RAD21L1: variants seen among roughly 807,000 people sequenced by gnomAD.
RAD21L1 encodes the protein double-strand-break repair protein rad21-like protein 1.
RAD21L1 carries 47 observed loss-of-function variants against 69.0 expected under a neutral mutation model. The ratio of observed to expected loss-of-function variants is 0.68; its 90% CI spans 0.54 to 0.87. The LOEUF is 0.87. Among genes scored for constraint, RAD21L1 ranks in the 40% least tolerant of loss-of-function variants. RAD21L1 has a pLI of 0.00. For missense variants in RAD21L1, 583 were observed against 647.6 expected (o/e 0.90, Z 1.08); for synonymous variants, 177 against 205.8 (o/e 0.86, Z 1.20).
intron 4 of RAD21L1, among the ~76,000 whole-genome samples, chr20:1,232,946 A>G (rs2087421804): frequency 6.6e-6 from 1 of 152,192 alleles, no homozygotes; most frequent in African/African-American, 2.4e-5. Flanking sequence ...GTTCCCTTAT[A>G]AAAGAGACCT....
At chr20:1,229,759 C>G in intron 2 of RAD21L1, 121 bp from the exon 3 acceptor site, 1 of 712,612 alleles carries the variant, frequency 1.4e-6, no homozygotes, top group Non-Finnish European at 2.2e-6. Context: ...TATACTTTAA[C>G]TAAGAATACA....
intron 2 of RAD21L1, 104 bp from the exon 3 acceptor site, chr20:1,229,776 C>A: frequency 3.6e-6 from 3 of 826,578 alleles, no homozygotes; most frequent in Non-Finnish European, 5.4e-6. Flanking sequence ...TACAAAATAT[C>A]TGCTTTTTTA....
At chr20:1,227,326 G>T (rs114561416) in intron 1 of RAD21L1, among the ~76,000 whole-genome samples, 9 of 152,338 alleles carry the variant, frequency 5.9e-5, no homozygotes, top group African/African-American at 1.9e-4. Context: ...TGGAACCAGC[G>T]CAAGGTACAA....
chr20:1,240,260 T>A, intron 7 of RAD21L1, 61 bp from the exon 8 acceptor site: 1 of 1,465,100 alleles, frequency 6.8e-7, no homozygotes, highest in Non-Finnish European at 9.0e-7. Context: ...TCTCATACAG[T>A]CCTCTAGCCT....
At chr20:1,228,622 C>T (rs1378273199) in intron 2 of RAD21L1, 25 bp downstream of exon 2, 5 of 1,443,392 alleles carry the variant, frequency 3.5e-6, no homozygotes, top group Non-Finnish European at 4.6e-6. Context: ...AAAATGATAG[C>T]TTGTATTTAT....
chr20:1,243,061 CAAAAACAAA>C (rs1487621769), intron 9 of RAD21L1, 27 bp from the exon 10 acceptor site: 21 of 1,347,000 alleles, frequency 1.6e-5, no homozygotes, highest in Non-Finnish European at 1.9e-5. Context: ...TTTGCTGGTA[CAAAAACAAA>C]AAAAACAAAA....
At chr20:1,250,302 G>C (rs936157634) in intron 13 of RAD21L1, among the ~76,000 whole-genome samples, 1 of 149,056 alleles carries the variant, frequency 6.7e-6, no homozygotes, top group Non-Finnish European at 1.5e-5. Flanking sequence ...TGTGCACAAC[G>C]TGCAGGTTTG....
intron 5 of RAD21L1, among the ~76,000 whole-genome samples, chr20:1,235,332 CT>C (rs2122795023): frequency 6.6e-6 from 1 of 152,214 alleles, no homozygotes; most frequent in Admixed American, 6.5e-5. Flanking sequence ...CATCCTTACT[CT>C]GCTTCCGTAA....
At chr20:1,230,527 C>T (rs2087367839) in intron 3 of RAD21L1, 1 of 605,502 alleles carries the variant, frequency 1.7e-6, no homozygotes, top group Non-Finnish European at 2.1e-6. Context: ...ACTTTGAAGA[C>T]ATTTTTTATT....
intron 13 of RAD21L1, 53 bp downstream of exon 13, chr20:1,248,756 A>G (rs182552855): frequency 4.8e-6 from 5 of 1,046,950 alleles, no homozygotes; most frequent in Middle Eastern, 2.1e-4. Context: ...ATAAGTAAAT[A>G]CTGACTTCAA....
Position 1,254,675 on chromosome 20 carries a change from T to G in RAD21L1, c.*218T>G, listed in dbSNP as rs2087901956. 6.6e-6 allele frequency among the ~76,000 whole-genome samples: 1 copy of G among 152,062 alleles called. No individual in the cohort carries two copies. The highest frequency in any genetic ancestry group is 1.5e-5 in the Non-Finnish European group (1 of 68,004). ...AATTCTGTTTTGTTTTTTTTTGTTG[T>G]TTTTTTAAGGACAAAGGTCTCACTA... On this transcript the variant is annotated 3_prime_UTR_variant, in exon 14 of 14. Coordinates refer to ENST00000683101, the MANE Select transcript of RAD21L1 (RefSeq NM_001384355.1).
At chr20:1,229,778 GCT>G (rs925573080) in intron 2 of RAD21L1, 100 bp from the exon 3 acceptor site, 4 of 856,456 alleles carry the variant, frequency 4.7e-6, no homozygotes, top group Non-Finnish European at 6.9e-6. Context: ...CAAAATATCT[GCT>G]TTTTTAAGAG....
chr20:1,240,573 C>T (rs143115578), intron 8 of RAD21L1, 139 bp downstream of exon 8: 45 of 1,319,884 alleles, frequency 3.4e-5, no homozygotes, highest in African/African-American at 1.1e-4. Context: ...GAGGAGAAGA[C>T]GGTGAAGAAA....
intron 1 of RAD21L1, 74 bp from the exon 2 acceptor site, chr20:1,228,344 GAATT>G: frequency 1.6e-6 from 1 of 632,540 alleles, no homozygotes; most frequent in Non-Finnish European, 2.6e-6. Context: ...TTATTTTGTA[GAATT>G]AATACATATT....
chr20:1,229,918 G>T lies in RAD21L1; in HGVS notation c.183G>T (p.Leu61Phe). ...IALRTSGHLL[L>F]GVVRIYNRKA... is the part of the protein sequence containing the mutation. ...TTCGAACTTCAGGACACCTTCTTTT[G>T]GGAGTTGTTCGAATCTATAACAGGA... The change falls in exon 3 of 14, where the codon TTG (leucine) becomes TTT (phenylalanine). Residue 61 changes from leucine (L) to phenylalanine (F), a missense_variant. Physicochemically the swap from Leu to Phe is conservative, Grantham distance 22. Transcript: ENST00000683101. 1 of 1,549,104 alleles carries T rather than the reference G, an allele frequency of 6.5e-7. No homozygotes were observed. Among genetic ancestry groups the T allele is most frequent in the South Asian group, 1.2e-5 (1 of 83,806 alleles).
At chr20:1,253,076 G>A (rs1039706503) in intron 13 of RAD21L1, among the ~76,000 whole-genome samples, 1 of 152,148 alleles carries the variant, frequency 6.6e-6, no homozygotes, top group Non-Finnish European at 1.5e-5. Context: ...TTCTCTCAAG[G>A]CAGGGAATAA....
intron 11 of RAD21L1, among the ~76,000 whole-genome samples, chr20:1,245,155 AC>A (rs1285568959): frequency 6.6e-6 from 1 of 152,218 alleles, no homozygotes; most frequent in Non-Finnish European, 1.5e-5. Flanking sequence ...AGATCGATGT[AC>A]CAGTTCTTTT....
chr20:1,235,191 T>G (rs145850815), intron 5 of RAD21L1, among the ~76,000 whole-genome samples: 146 of 152,344 alleles, frequency 9.6e-4, no homozygotes, highest in Non-Finnish European at 1.7e-3. Context: ...AGAATCTGTG[T>G]AATGTTCATA....
At chr20:1,234,963 G>C (rs982898369) in intron 5 of RAD21L1, among the ~76,000 whole-genome samples, 5 of 152,074 alleles carry the variant, frequency 3.3e-5, no homozygotes, top group African/African-American at 1.2e-4. Context: ...GGCTGGTCTT[G>C]AACCTCTAGG....
Sources: allele counts gnomAD v4.1 joint callset (sites outside exome capture counted in the v4.1 genomes callset), GRCh38; gene constraint gnomAD v4.1.1; transcripts MANE v1.5; gene names NCBI Gene and HGNC (gene_info 2026-07-23, HGNC 2026-07-21).